ITGA1: variants seen among roughly 807,000 people sequenced by gnomAD.
The protein encoded by ITGA1 is integrin alpha-1.
Under a neutral mutation model 145.9 loss-of-function variants are expected in ITGA1, and 85 were observed. That is an observed-to-expected ratio of 0.58 (90% CI 0.49 to 0.70). ITGA1 has a LOEUF of 0.70. Among genes scored for constraint, ITGA1 ranks in the 30% least tolerant of loss-of-function variants. The pLI is 0.00. For synonymous variants in ITGA1, 520 were observed against 495.3 expected (o/e 1.05, Z -0.66); for missense variants, 1,351 against 1,418.7 (o/e 0.95, Z 0.77).
chr5:52,866,051 GT>G (rs1749682591), intron 6 of ITGA1, among the ~76,000 whole-genome samples: 1 of 149,760 alleles, frequency 6.7e-6, no homozygotes, highest in Non-Finnish European at 1.5e-5. Context: ...GTCTCACTCT[GT>G]TGCCCAGGCT....
chr5:52,826,390 T>A (rs1748963046), intron 1 of ITGA1, among the ~76,000 whole-genome samples: 1 of 152,234 alleles, frequency 6.6e-6, no homozygotes, highest in African/African-American at 2.4e-5. Flanking sequence ...ACCATCTGCA[T>A]AACATAAAAG....
intron 26 of ITGA1, 51 bp from the exon 27 acceptor site, chr5:52,944,892 C>G: frequency 8.0e-7 from 1 of 1,245,642 alleles, no homozygotes; most frequent in Non-Finnish European, 1.2e-6. Flanking sequence ...ATGACTAGCT[C>G]TCATTTTGAT....
chr5:52,850,022 A>T (rs1452756203), intron 2 of ITGA1, among the ~76,000 whole-genome samples: 20 of 118,122 alleles, frequency 1.7e-4, no homozygotes, highest in Non-Finnish European at 1.9e-4. Context: ...TTTTTTTCTG[A>T]GATGGAGTCT....
intron 1 of ITGA1, among the ~76,000 whole-genome samples, chr5:52,797,773 G>A (rs188495309): frequency 6.6e-6 from 1 of 152,292 alleles, no homozygotes; most frequent in Admixed American, 6.5e-5. Flanking sequence ...CTTCCCCATA[G>A]TTGATTTTCT....
intron 15 of ITGA1, 44 bp downstream of exon 15, chr5:52,915,638 T>C (rs201654595): frequency 1.2e-6 from 2 of 1,606,834 alleles, no homozygotes; most frequent in East Asian, 2.2e-5. Flanking sequence ...ACTGGGTCAC[T>C]TGCAGAGCTC....
chr5:52,845,540 A>G (rs1749319119), intron 1 of ITGA1, among the ~76,000 whole-genome samples: 1 of 152,162 alleles, frequency 6.6e-6, no homozygotes, highest in Non-Finnish European at 1.5e-5. Flanking sequence ...GTTTTCGGTC[A>G]TCTTCTTCAA....
At position 52,910,101 on chromosome 5, in the gene ITGA1, A is replaced by G. The variant is rs1478189996; in HGVS notation, c.1600-61A>G. On this transcript the variant is annotated intron_variant, in intron 13 of 28. Coordinates refer to ENST00000282588, the MANE Select transcript of ITGA1 (RefSeq NM_181501.2). ...TAGCACTGATTTAGTATACTTTAAA[A>G]ATTCTACTCTGCTGTAGTAATGATG... 11 of 1,487,192 alleles carry G rather than the reference A, an allele frequency of 7.4e-6. No homozygotes were observed. The Admixed American group carries it at 7.9e-5, about 11-fold the overall frequency. 92.1% of individuals were successfully genotyped at this position (1,487,192 alleles called of 1,614,324 possible).
chr5:52,833,174 G>A (rs1163106636), intron 1 of ITGA1, among the ~76,000 whole-genome samples: 6 of 148,146 alleles, frequency 4.1e-5, no homozygotes, highest in African/African-American at 1.2e-4. Context: ...CCTGAGTGAC[G>A]GACCGAGACT....
chr5:52,910,990 ATATATAGTATGTATACTG>A (rs1750506858), intron 14 of ITGA1, among the ~76,000 whole-genome samples: 1 of 124,780 alleles, frequency 8.0e-6, no homozygotes, highest in South Asian at 2.4e-4. Flanking sequence ...TATGTATACT[ATATATAGTATGTATACTG>A]TATATACTAT....
rs555741233 is a variant in ITGA1, at chr5:52,919,068, G to A, written c.2155+170G>A. On this transcript the variant is annotated intron_variant, in intron 16 of 28. Transcript: ENST00000282588. ...AAAAAATTCTGTTGCAAAAGGAATA[G>A]GTTATGGAACCCAGTCAATTCTGGA... is the stretch of plus-strand genomic sequence containing the variant. Among the ~76,000 whole-genome samples, 5 of 152,242 alleles carry A rather than the reference G, an allele frequency of 3.3e-5. No individual in the cohort carries two copies. In the East Asian group the frequency reaches 9.7e-4, roughly 29 times the overall value.
At chr5:52,820,527 A>AAAC (rs1042535586) in intron 1 of ITGA1, among the ~76,000 whole-genome samples, 2 of 151,390 alleles carry the variant, frequency 1.3e-5, no homozygotes, top group Admixed American at 1.3e-4. Flanking sequence ...TATAATAAAA[A>AAAC]AAAAAAAGAA....
chr5:52,865,676 T>C lies in ITGA1; in HGVS notation c.497-14T>C. 4 of 1,508,158 alleles carry C rather than the reference T, an allele frequency of 2.7e-6. No homozygotes were observed. Among genetic ancestry groups the C allele is most frequent in the Non-Finnish European group, 3.5e-6 (4 of 1,134,744 alleles). The allele number at this position is 1,508,158 out of a possible 1,614,324, so 93.4% of individuals were successfully genotyped here. A position where few individuals can be genotyped will look rare whatever the true frequency, so the allele number is the denominator to read the frequency against. On this transcript the variant is annotated splice_polypyrimidine_tract_variant and intron_variant, in intron 5 of 28. Coordinates refer to ENST00000282588, the MANE Select transcript of ITGA1 (RefSeq NM_181501.2). ...ATAGATTCCAAATTTGACAATTGAC[T>C]CCTTTTATTGCAGAATGCAGCACTC...
chr5:52,804,824 A>G (rs1748559467), intron 1 of ITGA1, among the ~76,000 whole-genome samples: 1 of 152,160 alleles, frequency 6.6e-6, no homozygotes, highest in South Asian at 2.1e-4. Flanking sequence ...GTTTAGTGTC[A>G]GAATATGTTG....
At chr5:52,913,617 C>G (rs1750600619) in intron 14 of ITGA1, among the ~76,000 whole-genome samples, 1 of 152,126 alleles carries the variant, frequency 6.6e-6, no homozygotes, top group African/African-American at 2.4e-5. Context: ...TGTCTGCTCT[C>G]AAGTAATCAT....
At chr5:52,829,691 A>C (rs1268041511) in intron 1 of ITGA1, among the ~76,000 whole-genome samples, 1 of 152,174 alleles carries the variant, frequency 6.6e-6, no homozygotes, top group East Asian at 1.9e-4. Context: ...AATATCTTTC[A>C]AGACATTAAA....
chr5:52,801,768 A>G (rs1748493070), intron 1 of ITGA1: 1 of 1,614,160 alleles, frequency 6.2e-7, no homozygotes, highest in Middle Eastern at 1.6e-4. Flanking sequence ...TGACTGGGGT[A>G]GCTGCCATTC....
chr5:52,941,922 A>T (rs1294958860), intron 26 of ITGA1, among the ~76,000 whole-genome samples: 2 of 152,108 alleles, frequency 1.3e-5, no homozygotes, highest in Non-Finnish European at 2.9e-5. Flanking sequence ...CTTATATTTA[A>T]ATCTTTAATT....
At chr5:52,798,522 A>G (rs1454564400) in intron 1 of ITGA1, among the ~76,000 whole-genome samples, 2 of 152,234 alleles carry the variant, frequency 1.3e-5, no homozygotes, top group African/African-American at 4.8e-5. Context: ...CGGGGAAGAC[A>G]GGTCTATGCC....
chr5:52,811,143 C>A (rs1458395485), intron 1 of ITGA1, among the ~76,000 whole-genome samples: 1 of 152,170 alleles, frequency 6.6e-6, no homozygotes, highest in African/African-American at 2.4e-5. Context: ...TTTGCAAGAA[C>A]ATTGCATTTG....
Sources: allele counts gnomAD v4.1 joint callset (sites outside exome capture counted in the v4.1 genomes callset), GRCh38; gene constraint gnomAD v4.1.1; transcripts MANE v1.5; gene names NCBI Gene and HGNC (gene_info 2026-07-23, HGNC 2026-07-21).